Variants in SMARCA2 observed in about 807,000 individuals in gnomAD.
The protein encoded by SMARCA2 is SWI/SNF-related matrix-associated actin-dependent regulator of chromatin subfamily A member 2.
SMARCA2 carries 61 observed loss-of-function variants against 199.8 expected under a neutral mutation model. That is an observed-to-expected ratio of 0.31 (90% CI 0.25 to 0.38). SMARCA2 has a LOEUF of 0.38. Ranked by LOEUF, SMARCA2 falls within the 10% of genes least tolerant of loss-of-function variation. The pLI is 1.00. For missense variants in SMARCA2, 1,344 were observed against 2,012.2 expected, an observed-to-expected ratio of 0.67 and a Z score of 6.35; for synonymous variants, 935 against 732.0, an observed-to-expected ratio of 1.28 and a Z score of -4.48.
chr9:2,088,707 G>C, intron 19 of SMARCA2, 94 bp downstream of exon 19: 1 of 845,220 alleles, frequency 1.2e-6, no homozygotes, highest in Non-Finnish European at 1.9e-6. Context: ...TGAAACAGCA[G>C]ACTCATATTG....
intron 28 of SMARCA2, among the ~76,000 whole-genome samples, chr9:2,168,662 T>G (rs1436816437): frequency 1.3e-5 from 2 of 152,264 alleles, no homozygotes; most frequent in Non-Finnish European, 2.9e-5. Context: ...CATACTGTCT[T>G]TCTAAAATAA....
chr9:2,182,247 G>C lies in SMARCA2; in HGVS notation c.4461+5G>C. On this transcript the variant is annotated splice_donor_5th_base_variant and intron_variant, in intron 31 of 33. Transcript: ENST00000349721. ...TTCAACCTGGAGGGATCCCAGGTCT[G>C]TCTTGTTAAGTTGTCTAAAAGTTCT... The C allele has an allele frequency of 1.3e-6, 2 of 1,569,890 alleles. No individual in the cohort carries two copies. Among genetic ancestry groups the C allele is most frequent in the Non-Finnish European group, 1.7e-6 (2 of 1,143,568 alleles).
rs901352505 is a variant in SMARCA2, at chr9:2,061,182, A to G, written c.1692+196A>G. Among the ~76,000 whole-genome samples the G allele has an allele frequency of 4.6e-5, 7 of 152,366 alleles. No homozygotes were observed. The South Asian group carries it at 1.0e-3, about 23-fold the overall frequency. ...AGACAACTATTGGAGGTAAGGGCAT[A>G]ATAATGGGATATACTAAACTAAAAC... On this transcript the variant is annotated intron_variant, in intron 9 of 33. Coordinates refer to ENST00000349721, the MANE Select transcript of SMARCA2 (RefSeq NM_003070.5).
At chr9:2,184,039 C>T (rs928032725) in intron 31 of SMARCA2, among the ~76,000 whole-genome samples, 7 of 152,288 alleles carry the variant, frequency 4.6e-5, no homozygotes, top group Middle Eastern at 3.4e-3. Flanking sequence ...CTCTAGCCAC[C>T]TTCCTATCCT....
intron 27 of SMARCA2, among the ~76,000 whole-genome samples, chr9:2,144,453 G>A (rs1347442276): frequency 6.6e-6 from 1 of 152,168 alleles, no homozygotes; most frequent in Non-Finnish European, 1.5e-5. Context: ...AGCATGTCAA[G>A]GCACCAGTCT....
intron 26 of SMARCA2, among the ~76,000 whole-genome samples, chr9:2,122,992 G>A (rs1460311919): frequency 6.6e-6 from 1 of 152,162 alleles, no homozygotes; most frequent in African/African-American, 2.4e-5. Context: ...GGCTCTGAAA[G>A]GAATCCATTT....
At chr9:2,061,366 A>T (rs1358986676) in intron 9 of SMARCA2, among the ~76,000 whole-genome samples, 1 of 152,208 alleles carries the variant, frequency 6.6e-6, no homozygotes, top group Non-Finnish European at 1.5e-5. Context: ...AAGAAAATGC[A>T]GTGTACAGGT....
At chr9:2,168,862 C>A (rs1020511399) in intron 28 of SMARCA2, among the ~76,000 whole-genome samples, 1 of 152,160 alleles carries the variant, frequency 6.6e-6, no homozygotes, top group African/African-American at 2.4e-5. Context: ...TCAGAACCCA[C>A]TGAGTTGTAA....
intron 1 of SMARCA2, chr9:2,027,907 G>T (rs943436374): frequency 1.3e-5 from 2 of 152,214 alleles, no homozygotes; most frequent in Non-Finnish European, 2.9e-5. Context: ...GTGGAATTCA[G>T]CTATCTTGCC....
At chr9:2,083,991 G>C (rs995082605) in intron 16 of SMARCA2, 95 bp from the exon 17 acceptor site, 2 of 677,492 alleles carry the variant, frequency 3.0e-6, no homozygotes, top group Non-Finnish European at 5.2e-6. Context: ...GCATTCTTCA[G>C]TCACATGTCT....
At chr9:2,168,014 A>G (rs2129694744) in intron 28 of SMARCA2, among the ~76,000 whole-genome samples, 1 of 150,758 alleles carries the variant, frequency 6.6e-6, no homozygotes, top group Non-Finnish European at 1.5e-5. Flanking sequence ...ACCTGGGGAA[A>G]TGAGCTTTTT....
At chr9:2,178,940 C>A (rs1826815398) in intron 29 of SMARCA2, among the ~76,000 whole-genome samples, 1 of 152,180 alleles carries the variant, frequency 6.6e-6, no homozygotes, top group South Asian at 2.1e-4. Flanking sequence ...AGGAGAGAAA[C>A]AATAACACAC....
Position 2,191,182 on chromosome 9 carries a change from G to A in SMARCA2, c.4595-84G>A, listed in dbSNP as rs894878756. On this transcript the variant is annotated intron_variant, in intron 32 of 33. Transcript: ENST00000349721. ...GCACTCTGGGATGTTTGTGTTGTCT[G>A]TAGGTTGGTGATAGTCTTACCACCT... is the stretch of plus-strand genomic sequence containing the variant. 1.2e-5 allele frequency: 16 copies of A among 1,302,498 alleles called. No individual in the cohort carries two copies. The African/African-American group carries it at 1.9e-4, about 16-fold the overall frequency. 80.7% of individuals were successfully genotyped at this position (1,302,498 alleles called of 1,614,324 possible).
In SMARCA2 at chr9:2,056,690, G is replaced by T. The variant is rs1820369057; in HGVS notation, c.1192G>T (p.Ala398Ser). The T allele has an allele frequency of 5.6e-6, 9 of 1,613,818 alleles. No individual in the cohort carries two copies. The highest frequency in any genetic ancestry group is 5.9e-6 in the Non-Finnish European group (7 of 1,179,868). The change falls in exon 7 of 34, where the codon GCC becomes TCC. Residue 398 changes from alanine to serine, a missense_variant. Physicochemically the swap from Ala to Ser is moderately conservative, Grantham distance 99 (BLOSUM62 1). Coordinates refer to ENST00000349721, the MANE Select transcript of SMARCA2 (RefSeq NM_003070.5). The surrounding 1 kb of genome is among the most constrained non-coding windows in gnomAD (Gnocchi z 4.0). ...FQRQLRQEVVACMRRDTTLET... is the reference protein window; with the variant it reads ...FQRQLRQEVVSCMRRDTTLET... ...TTGACAGCTGAGACAGGAGGTGGTG[G>T]CCTGCATGCGCAGGGACACGACCCT... is the stretch of plus-strand genomic sequence containing the variant.
intron 22 of SMARCA2, 79 bp from the exon 23 acceptor site, chr9:2,103,924 G>A (rs1822642724): frequency 1.6e-6 from 2 of 1,275,770 alleles, no homozygotes; most frequent in Admixed American, 1.8e-5. Flanking sequence ...AGGACTATAT[G>A]AAAAGCAAAG....
chr9:2,181,894 C>A (rs1277810546), intron 30 of SMARCA2, among the ~76,000 whole-genome samples: 2 of 152,170 alleles, frequency 1.3e-5, no homozygotes, highest in African/African-American at 4.8e-5. Context: ...AGGCTCCCTG[C>A]TCCCCCTGCC....
chr9:2,179,601 T>G (rs1275768199), intron 29 of SMARCA2, among the ~76,000 whole-genome samples: 1 of 152,200 alleles, frequency 6.6e-6, no homozygotes, highest in African/African-American at 2.4e-5. Flanking sequence ...CTAGATTGTT[T>G]TAGCCTTACC....
At position 2,159,126 on chromosome 9, in the gene SMARCA2, T is replaced by C. The variant is rs561276168; in HGVS notation, c.3982-2560T>C. 207 of 1,008,802 alleles carry C rather than the reference T, an allele frequency of 2.1e-4. No individual in the cohort carries two copies. The African/African-American group carries it at 3.1e-3, about 15-fold the overall frequency. 62.5% of individuals were successfully genotyped at this position (1,008,802 alleles called of 1,614,324 possible). On this transcript the variant is annotated intron_variant, in intron 27 of 33. Transcript: ENST00000349721. Reference sequence around the variant, plus strand: ...TCTTAGCTACTCACAGATTTAGAGATTTAAAAGTCCAAATATCACAAGCTT... The same window carrying C: ...TCTTAGCTACTCACAGATTTAGAGACTTAAAAGTCCAAATATCACAAGCTT...
At chr9:2,085,618 AGGT>A (rs1821767891) in intron 17 of SMARCA2, 2 of 151,764 alleles carry the variant, frequency 1.3e-5, no homozygotes, top group South Asian at 4.2e-4. Context: ...CTTTTCTTAG[AGGT>A]GGTGGAGGAA....
Sources: allele counts gnomAD v4.1 joint callset (sites outside exome capture counted in the v4.1 genomes callset), GRCh38; gene constraint gnomAD v4.1.1; non-coding constraint Gnocchi (gnomAD v3.1); transcripts MANE v1.5; gene names NCBI Gene and HGNC (gene_info 2026-07-23, HGNC 2026-07-21).